The following SCLT1 variants were observed in gnomAD, a reference collection of about 807,000 sequenced individuals.
The protein encoded by SCLT1 is sodium channel and clathrin linker 1, also known as sodium channel-associated protein 1.
SCLT1 carries 78 observed loss-of-function variants against 112.8 expected under a neutral mutation model. That is an observed-to-expected ratio of 0.69 (90% CI 0.58 to 0.83). The LOEUF is 0.83. SCLT1 is among the 40% of genes least tolerant of loss of function. SCLT1 has a pLI of 0.00. For synonymous variants in SCLT1, 257 were observed against 254.7 expected (o/e 1.01, Z -0.09); for missense variants, 747 against 770.4 (o/e 0.97, Z 0.36).
At chr4:128,876,681 C>T (rs556606100) in intron 3 of SCLT1, 96 of 152,334 alleles carry the variant, frequency 6.3e-4, no homozygotes, top group African/African-American at 2.2e-3. Flanking sequence ...ATGGTATCTA[C>T]TTCCTTCACT....
chr4:128,934,458 A>T (rs956444563), intron 18 of SCLT1, among the ~76,000 whole-genome samples: 1 of 151,896 alleles, frequency 6.6e-6, no homozygotes, highest in African/African-American at 2.4e-5. Flanking sequence ...GGGGAGAATG[A>T]ACATAATTAT....
At chr4:128,956,306 T>TTA (rs1205219334) in intron 13 of SCLT1, among the ~76,000 whole-genome samples, 1 of 152,022 alleles carries the variant, frequency 6.6e-6, no homozygotes, top group Non-Finnish European at 1.5e-5. Flanking sequence ...AGTATAAAGT[T>TTA]TATTAATATT....
intron 5 of SCLT1, among the ~76,000 whole-genome samples, chr4:129,025,512 C>T (rs1387612710): frequency 6.6e-6 from 1 of 152,108 alleles, no homozygotes; most frequent in Non-Finnish European, 1.5e-5. Flanking sequence ...GAGATTTTGT[C>T]ACCACCAGGC....
intron 5 of SCLT1, among the ~76,000 whole-genome samples, chr4:129,027,803 T>A (rs960086751): frequency 3.3e-5 from 5 of 152,182 alleles, no homozygotes; most frequent in African/African-American, 1.2e-4. Flanking sequence ...AAAATCTCCT[T>A]AAGCTGATAA....
intron 13 of SCLT1, among the ~76,000 whole-genome samples, chr4:128,956,449 T>C (rs1220114297): frequency 6.6e-6 from 1 of 152,102 alleles, no homozygotes; most frequent in African/African-American, 2.4e-5. Flanking sequence ...AGCCCAGGGT[T>C]TACTTTGGAC....
intron 5 of SCLT1, 140 bp from the exon 6 acceptor site, chr4:129,004,016 G>T: frequency 1.4e-6 from 1 of 727,218 alleles, no homozygotes; most frequent in Non-Finnish European, 2.3e-6. Context: ...TAAAAAATTA[G>T]AAGTGTTTAA....
intron 18 of SCLT1, among the ~76,000 whole-genome samples, chr4:128,902,815 C>T (rs1320399346): frequency 6.6e-6 from 1 of 152,058 alleles, no homozygotes; most frequent in Non-Finnish European, 1.5e-5. Context: ...CACAAATGTA[C>T]AGCTGTACAA....
chr4:128,930,889 A>G (rs1315463457), intron 18 of SCLT1, among the ~76,000 whole-genome samples: 1 of 152,210 alleles, frequency 6.6e-6, no homozygotes, highest in African/African-American at 2.4e-5. Context: ...TTAATAGTAA[A>G]GGAATGAATA....
chr4:128,953,629 T>TAA (rs1170683359), intron 13 of SCLT1, among the ~76,000 whole-genome samples: 1 of 144,192 alleles, frequency 6.9e-6, no homozygotes, highest in Non-Finnish European at 1.5e-5. Context: ...TCCGTCTCTA[T>TAA]AAAAAAAAAA....
intron 9 of SCLT1, among the ~76,000 whole-genome samples, chr4:128,990,185 G>T (rs1742436951): frequency 6.6e-6 from 1 of 151,912 alleles, no homozygotes; most frequent in Admixed American, 6.6e-5. Flanking sequence ...GATGAACACA[G>T]ATGCAAAAAT....
chr4:128,962,704 A>G (rs929444088), intron 11 of SCLT1, among the ~76,000 whole-genome samples: 1 of 152,156 alleles, frequency 6.6e-6, no homozygotes, highest in African/African-American at 2.4e-5. Context: ...TTATCCACCT[A>G]TGTAAAACCT....
At chr4:129,027,770 A>G (rs1021492288) in intron 5 of SCLT1, among the ~76,000 whole-genome samples, 1 of 152,206 alleles carries the variant, frequency 6.6e-6, no homozygotes, top group African/African-American at 2.4e-5. Context: ...TTGTATATCT[A>G]GAAAACCCCA....
At chr4:129,082,269 T>G in intron 2 of SCLT1, 37 bp downstream of exon 2, 279 of 1,037,404 alleles carry the variant, frequency 2.7e-4, no homozygotes, top group Non-Finnish European at 3.5e-4. Context: ...CAACTTCACA[T>G]GAGAATATTC....
intron 16 of SCLT1, among the ~76,000 whole-genome samples, chr4:128,943,956 G>T (rs1737926357): frequency 1.3e-5 from 2 of 152,114 alleles, no homozygotes; most frequent in African/African-American, 4.8e-5. Flanking sequence ...TTTGCAAGCA[G>T]AAAAATACTT....
intron 20 of SCLT1, among the ~76,000 whole-genome samples, chr4:128,886,825 A>T (rs915774704): frequency 1.3e-5 from 2 of 152,208 alleles, no homozygotes; most frequent in Non-Finnish European, 2.9e-5. Context: ...ACTAGATGCT[A>T]ACTGGTTATA....
chr4:128,979,467 A>G (rs1334824918), intron 9 of SCLT1, among the ~76,000 whole-genome samples: 3 of 152,190 alleles, frequency 2.0e-5, no homozygotes, highest in African/African-American at 7.2e-5. Context: ...ATGTATAATC[A>G]GGAAACAGCC....
intron 18 of SCLT1, among the ~76,000 whole-genome samples, chr4:128,894,994 G>C (rs1026293482): frequency 6.6e-6 from 1 of 152,074 alleles, no homozygotes; most frequent in Non-Finnish European, 1.5e-5. Context: ...TGTCTTAAAT[G>C]CAACATCTCA....
intron 18 of SCLT1, among the ~76,000 whole-genome samples, chr4:128,902,889 T>C (rs896823234): frequency 2.6e-5 from 4 of 152,144 alleles, no homozygotes; most frequent in Non-Finnish European, 5.9e-5. Context: ...CACCAACATA[T>C]ACATTAGACA....
intron 10 of SCLT1, among the ~76,000 whole-genome samples, chr4:128,969,202 TG>T (rs1030281713): frequency 1.3e-5 from 2 of 152,180 alleles, no homozygotes; most frequent in African/African-American, 4.8e-5. Flanking sequence ...GGCATGAATT[TG>T]GTAAGAATTT....
Sources: gnomAD v4.1 joint callset for allele counts (sites outside exome capture counted in the v4.1 genomes callset) on GRCh38, gnomAD v4.1.1 for gene constraint, MANE v1.5 for transcripts, NCBI Gene and HGNC (gene_info 2026-07-23, HGNC 2026-07-21) for gene names.